Variants in FRMPD4 observed in about 807,000 individuals in gnomAD.
The protein encoded by FRMPD4 is FERM and PDZ domain-containing protein 4.
Under a neutral mutation model 94.1 loss-of-function variants are expected in FRMPD4, and 22 were observed. That is an observed-to-expected ratio of 0.23 (90% confidence interval 0.17 to 0.33). The LOEUF is 0.33. FRMPD4 is among the 10% of genes least tolerant of loss of function. The probability of loss-of-function intolerance (pLI) is 1.00; values close to 1 mark genes in which losing one functional copy is unlikely to be tolerated. For missense variants in FRMPD4, 1,111 were observed against 1,339.9 expected (o/e 0.83, Z 2.67); for synonymous variants, 631 against 548.6 (o/e 1.15, Z -2.10).
chrX:12,301,235 A>G (rs1316805786), intron 1 of FRMPD4, among the ~76,000 whole-genome samples: 1 of 111,038 alleles, frequency 9.0e-6, no homozygotes, highest in Non-Finnish European at 1.9e-5. Context: ...TCTCTCCCAT[A>G]CCCTTGCACT....
At chrX:12,613,952 G>A (rs969222486) in intron 3 of FRMPD4, 3 of 112,563 alleles carry the variant, frequency 2.7e-5, no homozygotes, top group Non-Finnish European at 5.6e-5. Context: ...ACTCCAGCCT[G>A]GGCGACAGAG....
chrX:12,497,631 C>CT (rs2057866148), intron 1 of FRMPD4, among the ~76,000 whole-genome samples: 2 of 111,206 alleles, frequency 1.8e-5, no homozygotes, highest in African/African-American at 6.5e-5. Context: ...TTTGTGAACA[C>CT]TTTTTTTCCA....
chrX:12,108,382 T>C lies in FRMPD4; in HGVS notation c.95+230364T>C, dbSNP rs201933050. ...ACAGACAAGCAAATGTTGAGAGATT[T>C]TGTCACCACCAGGCCTGCTCTACAA... On this transcript the variant is annotated intron_variant, in intron 3 of 18. Coordinates refer to the FRMPD4 transcript ENST00000640291. 7.5e-4 allele frequency among the ~76,000 whole-genome samples: 84 copies of C among 111,931 alleles called. No individual in the cohort carries two copies. In the East Asian group the frequency reaches 0.023, roughly 30 times the overall value.
intron 1 of FRMPD4, among the ~76,000 whole-genome samples, chrX:12,457,317 C>T (rs1319530514): frequency 9.0e-6 from 1 of 111,608 alleles, no homozygotes; most frequent in African/African-American, 3.3e-5. Flanking sequence ...CTGACCCTCT[C>T]ATAATGATTG....
intron 4 of FRMPD4, among the ~76,000 whole-genome samples, chrX:12,618,976 T>C (rs2059262950): frequency 9.0e-6 from 1 of 111,572 alleles, no homozygotes; most frequent in Non-Finnish European, 1.9e-5. Flanking sequence ...ATGCTAACAT[T>C]GAAGAGTCAA....
At chrX:12,270,321 T>C (rs937797459) in intron 1 of FRMPD4, among the ~76,000 whole-genome samples, 7 of 111,970 alleles carry the variant, frequency 6.3e-5, no homozygotes, top group African/African-American at 1.9e-4. Flanking sequence ...AACTGTGTAA[T>C]TGAGCCATGT....
chrX:12,282,039 A>G (rs1029587602), intron 1 of FRMPD4, among the ~76,000 whole-genome samples: 1 of 112,398 alleles, frequency 8.9e-6, no homozygotes, highest in Non-Finnish European at 1.9e-5. Flanking sequence ...TAGACTATTG[A>G]TACAAATTTA....
intron 1 of FRMPD4, among the ~76,000 whole-genome samples, chrX:12,204,656 C>G: frequency 1.0e-5 from 1 of 97,146 alleles, no homozygotes; most frequent in Non-Finnish European, 2.3e-5. Flanking sequence ...TTTCCAGAGT[C>G]TCATCTCCTG....
At position 12,463,681 on chromosome X, in the gene FRMPD4, G is replaced by GTGTTTTTTTTTTTT. The variant is rs1555969426; in HGVS notation, c.42-34998_42-34997insGTTTTTTTTTTTTT. ...GGGTGCCTGTGCCTCCTATGTGTGT[G>GTGTTTTTTTTTTTT]TTTTTTTTTTGTTTTTGTTTTTTTT... is the stretch of plus-strand genomic sequence containing the variant. On this transcript the variant is annotated intron_variant, in intron 1 of 16. Coordinates refer to ENST00000675598, the MANE Select transcript of FRMPD4 (RefSeq NM_001368397.1). 1.8e-4 allele frequency among the ~76,000 whole-genome samples: 9 copies of GTGTTTTTTTTTTTT among 51,046 alleles called. 2 individuals are homozygous for GTGTTTTTTTTTTTT. The highest frequency in any genetic ancestry group is 3.5e-4 in the African/African-American group (4 of 11,593). The allele number at this position is 51,046 out of a possible 115,157, so 44.3% of individuals were successfully genotyped here. A position where few individuals can be genotyped will look rare whatever the true frequency, so the allele number is the denominator to read the frequency against.
intron 3 of FRMPD4, among the ~76,000 whole-genome samples, chrX:11,879,613 C>A (rs957420237): frequency 9.1e-6 from 1 of 110,382 alleles, no homozygotes; most frequent in African/African-American, 3.3e-5. Context: ...CCTGGATACA[C>A]CTAATAGTTT....
At chrX:12,345,131 A>AGGATGGATGGAT (rs372484963) in intron 1 of FRMPD4, among the ~76,000 whole-genome samples, 4,663 of 97,530 alleles carry the variant, frequency 0.048, 161 homozygotes, top group East Asian at 0.16. Flanking sequence ...GACAAATGAA[A>AGGATGGATGGAT]GGATGGATGG....
intron 5 of FRMPD4, among the ~76,000 whole-genome samples, chrX:12,679,650 T>C (rs1484475344): frequency 2.7e-5 from 3 of 111,229 alleles, no homozygotes; most frequent in Non-Finnish European, 5.7e-5. Context: ...AAATTTGAAT[T>C]TTGAAAACTT....
At chrX:11,970,986 C>T (rs906241834) in intron 3 of FRMPD4, among the ~76,000 whole-genome samples, 2 of 112,065 alleles carry the variant, frequency 1.8e-5, no homozygotes, top group Admixed American at 9.4e-5. Context: ...ATTGTTCTTC[C>T]CCCTCTTCCA....
chrX:12,135,964 T>TG (rs1360464919), upstream of FRMPD4, among the ~76,000 whole-genome samples: 2 of 111,032 alleles, frequency 1.8e-5, no homozygotes, highest in African/African-American at 6.6e-5. Flanking sequence ...GCCACTCTTT[T>TG]GGGGGAAAGG....
At chrX:12,591,922 T>C (rs1225221430) in intron 2 of FRMPD4, among the ~76,000 whole-genome samples, 3 of 111,629 alleles carry the variant, frequency 2.7e-5, no homozygotes, top group African/African-American at 9.8e-5. Context: ...AAGGTCTCTC[T>C]GACTTTATCC....
At chrX:12,221,582 C>T (rs907571290) in intron 1 of FRMPD4, among the ~76,000 whole-genome samples, 1 of 112,123 alleles carries the variant, frequency 8.9e-6, no homozygotes, top group African/African-American at 3.2e-5. Flanking sequence ...GAATCCTGAA[C>T]GATGGGTAGA....
chrX:12,171,908 C>A (rs975305740), intron 1 of FRMPD4, among the ~76,000 whole-genome samples: 2 of 110,906 alleles, frequency 1.8e-5, no homozygotes, highest in African/African-American at 6.6e-5. Context: ...CCCAGAGGTC[C>A]CTCTCTGCTT....
chrX:11,977,324 A>G (rs916800161), intron 3 of FRMPD4, among the ~76,000 whole-genome samples: 3 of 112,366 alleles, frequency 2.7e-5, no homozygotes, highest in Admixed American at 9.4e-5. Flanking sequence ...TCTGATGCGT[A>G]CTGAGAACAA....
intron 3 of FRMPD4, among the ~76,000 whole-genome samples, chrX:11,915,336 G>A (rs932497953): frequency 3.6e-5 from 4 of 112,373 alleles, no homozygotes; most frequent in African/African-American, 1.3e-4. Flanking sequence ...AGATTGCTTA[G>A]CACATGCTGC....
Sources: gnomAD v4.1 joint callset for allele counts (sites outside exome capture counted in the v4.1 genomes callset) on GRCh38, gnomAD v4.1.1 for gene constraint, MANE v1.5 for transcripts, NCBI Gene and HGNC (gene_info 2026-07-23, HGNC 2026-07-21) for gene names.